Variants in SEMA5A observed in about 807,000 individuals in gnomAD.
SEMA5A encodes the protein semaphorin-5A.
Under a neutral mutation model 135.5 loss-of-function variants are expected in SEMA5A, and 55 were observed. That is an observed-to-expected ratio of 0.41 (90% CI 0.33 to 0.51). SEMA5A has a LOEUF of 0.51. Among genes scored for constraint, SEMA5A ranks in the 20% least tolerant of loss-of-function variants. The pLI is 0.37. For missense variants in SEMA5A, 1,290 were observed against 1,419.9 expected, an observed-to-expected ratio of 0.91 and a Z score of 1.47; for synonymous variants, 580 against 546.5, an observed-to-expected ratio of 1.06 and a Z score of -0.85.
At chr5:9,475,214 G>A (rs1387901787) in intron 1 of SEMA5A, among the ~76,000 whole-genome samples, 1 of 152,220 alleles carries the variant, frequency 6.6e-6, no homozygotes, top group Non-Finnish European at 1.5e-5. Flanking sequence ...TTACAGGTGT[G>A]AGCCACCACA....
intron 11 of SEMA5A, among the ~76,000 whole-genome samples, chr5:9,165,297 G>A (rs3797923): frequency 6.6e-6 from 1 of 151,914 alleles, no homozygotes; most frequent in African/African-American, 2.4e-5. Context: ...AAAGAAAAAA[G>A]TCCTACCCAC....
chr5:9,285,142 CCA>C (rs2150572541), intron 5 of SEMA5A, among the ~76,000 whole-genome samples: 1 of 152,330 alleles, frequency 6.6e-6, no homozygotes, highest in African/African-American at 2.4e-5. Context: ...ATGCGTCATT[CCA>C]CAGTCTCTTT....
At chr5:9,432,213 T>C (rs1171820916) in intron 2 of SEMA5A, among the ~76,000 whole-genome samples, 1 of 152,184 alleles carries the variant, frequency 6.6e-6, no homozygotes, top group Non-Finnish European at 1.5e-5. Context: ...AGATTTTCCA[T>C]CAGGCTGAGT....
chr5:9,449,436 G>T (rs1341372519), intron 1 of SEMA5A, among the ~76,000 whole-genome samples: 1 of 152,138 alleles, frequency 6.6e-6, no homozygotes, highest in African/African-American at 2.4e-5. Context: ...GGGAGGGAGA[G>T]CATCAGGAAG....
At chr5:9,372,970 C>T (rs1031349616) in intron 3 of SEMA5A, among the ~76,000 whole-genome samples, 2 of 152,106 alleles carry the variant, frequency 1.3e-5, no homozygotes, top group Admixed American at 6.6e-5. Flanking sequence ...CAAGACAGCA[C>T]GGGGTCAAGG....
At chr5:9,195,657 A>C (rs1745349468) in intron 10 of SEMA5A, among the ~76,000 whole-genome samples, 1 of 152,230 alleles carries the variant, frequency 6.6e-6, no homozygotes, top group South Asian at 2.1e-4. Context: ...TGCTCAAGGA[A>C]AGCAGCACAT....
At chr5:9,137,923 A>G (rs1247824846) in intron 12 of SEMA5A, among the ~76,000 whole-genome samples, 1 of 152,212 alleles carries the variant, frequency 6.6e-6, no homozygotes, top group African/African-American at 2.4e-5. Flanking sequence ...TCAATTAGGC[A>G]CTACATTGAC....
intron 6 of SEMA5A, among the ~76,000 whole-genome samples, chr5:9,228,687 G>C (rs1253388250): frequency 1.3e-5 from 2 of 152,238 alleles, no homozygotes; most frequent in African/African-American, 4.8e-5. Context: ...TTCATGCCTA[G>C]ACCAAGGTAG....
At chr5:9,184,421 A>G (rs549264770) in intron 11 of SEMA5A, among the ~76,000 whole-genome samples, 3 of 152,254 alleles carry the variant, frequency 2.0e-5, no homozygotes, top group Non-Finnish European at 2.9e-5. Context: ...ATTTTCTCCA[A>G]TAGTGTCTTT....
chr5:9,265,598 G>A (rs1011695154), intron 5 of SEMA5A: 32 of 454,210 alleles, frequency 7.0e-5, no homozygotes, highest in Admixed American at 4.0e-4. Flanking sequence ...AGTGCCTGGC[G>A]TCCCATGTTC....
At chr5:9,078,107 C>A (rs150012304) in intron 16 of SEMA5A, among the ~76,000 whole-genome samples, 66 of 152,252 alleles carry the variant, frequency 4.3e-4, no homozygotes, top group African/African-American at 1.6e-3. Context: ...CACTGTAATG[C>A]CTTTAAATTC....
At chr5:9,393,655 G>A (rs1756263120) in intron 2 of SEMA5A, among the ~76,000 whole-genome samples, 1 of 152,042 alleles carries the variant, frequency 6.6e-6, no homozygotes, top group African/African-American at 2.4e-5. Flanking sequence ...ACAAATAAAG[G>A]CTATTTAATA....
At chr5:9,450,342 C>T (rs1280146441) in intron 1 of SEMA5A, among the ~76,000 whole-genome samples, 3 of 152,200 alleles carry the variant, frequency 2.0e-5, no homozygotes, top group African/African-American at 7.2e-5. Context: ...GGATAATCCA[C>T]TTAGTAAGCT....
intron 12 of SEMA5A, among the ~76,000 whole-genome samples, chr5:9,145,835 G>T (rs1276515447): frequency 1.3e-5 from 2 of 150,368 alleles, no homozygotes; most frequent in East Asian, 3.9e-4. Context: ...AGCAGAGATG[G>T]GGTTTCATCA....
At chr5:9,135,824 AAAAC>A (rs774297348) in intron 13 of SEMA5A, among the ~76,000 whole-genome samples, 4 of 152,334 alleles carry the variant, frequency 2.6e-5, no homozygotes, top group South Asian at 2.1e-4. Flanking sequence ...AAACCCTCCA[AAAAC>A]AAACAAACAA....
chr5:9,433,401 A>G (rs1183464190), intron 2 of SEMA5A, among the ~76,000 whole-genome samples: 1 of 152,216 alleles, frequency 6.6e-6, no homozygotes, highest in Non-Finnish European at 1.5e-5. Context: ...ATTTAAATTT[A>G]AAAGGATAAA....
chr5:9,123,956 C>G (rs1009495434), intron 13 of SEMA5A, among the ~76,000 whole-genome samples: 1 of 152,048 alleles, frequency 6.6e-6, no homozygotes, highest in East Asian at 1.9e-4. Context: ...CAACGAGGAG[C>G]CTGTGTTGAG....
intron 1 of SEMA5A, among the ~76,000 whole-genome samples, chr5:9,445,464 T>C (rs1469492282): frequency 1.3e-5 from 2 of 151,524 alleles, no homozygotes; most frequent in Non-Finnish European, 2.9e-5. Flanking sequence ...GGTCAGGAGA[T>C]TGAGACCATC....
At chr5:9,387,457 G>A (rs774876771) in intron 2 of SEMA5A, among the ~76,000 whole-genome samples, 3 of 152,148 alleles carry the variant, frequency 2.0e-5, no homozygotes, top group South Asian at 2.1e-4. Flanking sequence ...TTATGAAATC[G>A]AAGTAGGAAT....
Sources: gnomAD v4.1 joint callset for allele counts (sites outside exome capture counted in the v4.1 genomes callset) on GRCh38, gnomAD v4.1.1 for gene constraint, MANE v1.5 for transcripts, NCBI Gene and HGNC (gene_info 2026-07-23, HGNC 2026-07-21) for gene names.